The following CNTLN variants were observed in gnomAD, a reference collection of about 807,000 sequenced individuals.
The protein encoded by CNTLN is centlein, centrosomal protein.
Under a neutral mutation model 180.0 loss-of-function variants are expected in CNTLN, and 212 were observed. That is an observed-to-expected ratio of 1.18 (90% CI 1.05 to 1.32). The LOEUF is 1.32. Ranked by LOEUF, CNTLN falls within the 40% of genes most tolerant of loss-of-function variation. CNTLN has a pLI of 0.00. For missense variants in CNTLN, 2,095 were observed against 1,610.9 expected, an observed-to-expected ratio of 1.30 and a Z score of -5.14; for synonymous variants, 722 against 563.1, an observed-to-expected ratio of 1.28 and a Z score of -3.99.
At chr9:17,312,367 T>TATATATATATA (rs1819229615) in intron 8 of CNTLN, among the ~76,000 whole-genome samples, 2 of 10,956 alleles carry the variant, frequency 1.8e-4, no homozygotes, top group African/African-American at 3.9e-4. Flanking sequence ...ATATATATTA[T>TATATATATATA]ATATATATAT....
intron 5 of CNTLN, among the ~76,000 whole-genome samples, chr9:17,262,346 C>G (rs568160946): frequency 6.6e-6 from 1 of 151,638 alleles, no homozygotes; most frequent in South Asian, 2.1e-4. Flanking sequence ...CAGTGATAGA[C>G]TGGATAAAGA....
At chr9:17,278,388 T>C (rs1313391154) in intron 6 of CNTLN, among the ~76,000 whole-genome samples, 3 of 152,150 alleles carry the variant, frequency 2.0e-5, no homozygotes, top group African/African-American at 7.2e-5. Context: ...GCACATAAAA[T>C]TTACAATAAT....
chr9:17,267,637 C>G (rs1232614255), intron 5 of CNTLN, among the ~76,000 whole-genome samples: 1 of 152,212 alleles, frequency 6.6e-6, no homozygotes, highest in South Asian at 2.1e-4. Context: ...AGAGTGTTTT[C>G]CAACTTGGTT....
intron 2 of CNTLN, among the ~76,000 whole-genome samples, chr9:17,188,821 T>A (rs892798468): frequency 2.6e-5 from 4 of 152,094 alleles, no homozygotes; most frequent in African/African-American, 9.7e-5. Context: ...TAAATGTTTA[T>A]AAAAACTGTT....
intron 2 of CNTLN, among the ~76,000 whole-genome samples, chr9:17,144,348 T>C (rs75160617): frequency 0.049 from 7,428 of 152,294 alleles, 240 homozygotes; most frequent in East Asian, 0.17. Context: ...TTAAGTCTTT[T>C]GTTGAAGTAC....
chr9:17,381,913 A>T (rs528139385), intron 13 of CNTLN, among the ~76,000 whole-genome samples: 2 of 152,268 alleles, frequency 1.3e-5, no homozygotes, highest in Non-Finnish European at 2.9e-5. Context: ...GGGTGATCAG[A>T]AGCATACAAT....
chr9:17,381,525 A>G (rs1825255331), intron 13 of CNTLN, among the ~76,000 whole-genome samples: 1 of 152,152 alleles, frequency 6.6e-6, no homozygotes. Context: ...ATGGGTTACC[A>G]TTTTCTCAGC....
chr9:17,387,084 G>A (rs1467843058), intron 13 of CNTLN, among the ~76,000 whole-genome samples: 2 of 152,138 alleles, frequency 1.3e-5, no homozygotes, highest in African/African-American at 4.8e-5. Context: ...AAGTACAGAA[G>A]TTTTAATTGG....
At chr9:17,272,815 A>G (rs766902927) in intron 5 of CNTLN, among the ~76,000 whole-genome samples, 5 of 152,154 alleles carry the variant, frequency 3.3e-5, no homozygotes, top group Admixed American at 6.5e-5. Context: ...AACTGTCAGT[A>G]GTTGAACATC....
At chr9:17,200,071 C>T (rs537744452) in intron 2 of CNTLN, among the ~76,000 whole-genome samples, 1 of 152,208 alleles carries the variant, frequency 6.6e-6, no homozygotes, top group South Asian at 2.1e-4. Flanking sequence ...GCCAGTTTTC[C>T]CAACACCATT....
chr9:17,431,923 G>A (rs1040657884), intron 18 of CNTLN, among the ~76,000 whole-genome samples: 8 of 152,154 alleles, frequency 5.3e-5, no homozygotes, highest in Admixed American at 6.5e-5. Flanking sequence ...TCTTATTAAA[G>A]CACTTCTCTG....
intron 1 of CNTLN, among the ~76,000 whole-genome samples, chr9:17,137,414 G>A (rs1158535332): frequency 6.6e-6 from 1 of 151,958 alleles, no homozygotes; most frequent in African/African-American, 2.4e-5. Flanking sequence ...ATACTCTCCC[G>A]CTTATTTATT....
intron 18 of CNTLN, among the ~76,000 whole-genome samples, chr9:17,422,754 G>C (rs1023250339): frequency 2.5e-4 from 38 of 152,102 alleles, no homozygotes; most frequent in Admixed American, 1.6e-3. Context: ...GTTTTCCCGA[G>C]TGTTTTTGTT....
At chr9:17,364,295 C>T (rs1298076915) in intron 12 of CNTLN, among the ~76,000 whole-genome samples, 1 of 152,024 alleles carries the variant, frequency 6.6e-6, no homozygotes, top group Non-Finnish European at 1.5e-5. Flanking sequence ...GTTTTGTATA[C>T]CTCTACTGTT....
At chr9:17,454,491 A>G (rs982386074) in intron 18 of CNTLN, among the ~76,000 whole-genome samples, 2 of 152,208 alleles carry the variant, frequency 1.3e-5, no homozygotes, top group African/African-American at 2.4e-5. Flanking sequence ...ACAAGTAACT[A>G]TGACTTAAGA....
At chr9:17,166,946 G>C (rs1463243202) in intron 2 of CNTLN, 1 of 442,566 alleles carries the variant, frequency 2.3e-6, no homozygotes, top group African/African-American at 2.1e-5. Flanking sequence ...GATGAAAGAA[G>C]ATTGAGAAGA....
the CNTLN span, among the ~76,000 whole-genome samples, chr9:17,522,845 A>T: frequency 4.6e-5 from 7 of 152,190 alleles, no homozygotes; most frequent in Non-Finnish European, 4.4e-5. Context: ...CACCTGCATG[A>T]TGCCCGCTGA....
At chr9:17,298,388 T>G in intron 7 of CNTLN, 36 bp downstream of exon 7, 1 of 1,542,056 alleles carries the variant, frequency 6.5e-7, no homozygotes. Flanking sequence ...TGTAAATGTT[T>G]ATGTATGAAC....
At chr9:17,335,799 G>A (rs1228094288) in intron 10 of CNTLN, among the ~76,000 whole-genome samples, 1 of 151,872 alleles carries the variant, frequency 6.6e-6, no homozygotes, top group African/African-American at 2.4e-5. Flanking sequence ...AAAATGAGCT[G>A]GGTTAGGTGG....
Sources: gnomAD v4.1 joint callset for allele counts (sites outside exome capture counted in the v4.1 genomes callset) on GRCh38, gnomAD v4.1.1 for gene constraint, MANE v1.5 for transcripts, NCBI Gene and HGNC (gene_info 2026-07-23, HGNC 2026-07-21) for gene names.